The following SUN1 variants were observed in gnomAD, a reference collection of about 807,000 sequenced individuals.
SUN1 encodes the protein Sad1 and UNC84 domain containing 1.
SUN1 carries 61 observed loss-of-function variants against 103.2 expected under a neutral mutation model. The ratio of observed to expected loss-of-function variants is 0.59; its 90% confidence interval spans 0.48 to 0.73. The LOEUF (loss-of-function observed/expected upper bound fraction) is 0.73. SUN1 is among the 30% of genes least tolerant of loss of function. The pLI, the probability that SUN1 is intolerant of heterozygous loss-of-function variation, is 0.00. For missense variants in SUN1, 1,052 were observed against 1,034.6 expected, an observed-to-expected ratio of 1.02 and a Z score of -0.23; for synonymous variants, 490 against 425.7, an observed-to-expected ratio of 1.15 and a Z score of -1.86.
chr7:851,004 A>G (rs1821561596), intron 5 of SUN1, among the ~76,000 whole-genome samples: 1 of 152,172 alleles, frequency 6.6e-6, no homozygotes, highest in Non-Finnish European at 1.5e-5. Flanking sequence ...TGTCTATGGA[A>G]TTTCAATCTG....
chr7:832,357 G>A, upstream of SUN1: 1 of 723,214 alleles, frequency 1.4e-6, no homozygotes, highest in Non-Finnish European at 2.4e-6. Flanking sequence ...CGTCTGTTTA[G>A]AAAACACTGC....
Position 874,871 on chromosome 7 carries a change from GT to G in SUN1, c.*1543del, listed in dbSNP as rs1448240243. The G allele has an allele frequency of 6.6e-6, 1 of 152,208 alleles. No individual in the cohort carries two copies. Among genetic ancestry groups the G allele is most frequent in the East Asian group, 1.9e-4 (1 of 5,206 alleles). The allele number at this position is 152,208 out of a possible 1,614,324, so 9.4% of individuals were successfully genotyped here. ...CAAATTGATAAGATGCTATTAAGAG[GT>G]TTAAATAAAGAGTTTTAATTTTTAA... On this transcript the variant is annotated 3_prime_UTR_variant, in exon 19 of 19. Transcript: ENST00000401592.
intron 1 of SUN1, among the ~76,000 whole-genome samples, chr7:826,547 G>A (rs372262239): frequency 2.6e-5 from 4 of 152,198 alleles, no homozygotes; most frequent in Non-Finnish European, 4.4e-5. Flanking sequence ...GGCAGATGGC[G>A]CTCTGGGAGG....
At chr7:816,162 G>C, upstream of SUN1, 1 of 304,880 alleles carries the variant, frequency 3.3e-6, no homozygotes, top group Non-Finnish European at 6.1e-6. Flanking sequence ...CGTATCTGAG[G>C]GGCAGAGCCC....
intron 9 of SUN1, 178 bp from the exon 10 acceptor site, chr7:853,231 C>A: frequency 1.3e-6 from 1 of 772,774 alleles, no homozygotes. Flanking sequence ...ATGAGAAGCA[C>A]CCATAGTCAG....
At chr7:866,187 A>T in intron 16 of SUN1, 120 bp downstream of exon 16, 1 of 837,508 alleles carries the variant, frequency 1.2e-6, no homozygotes, top group Non-Finnish European at 1.9e-6. Context: ...TGGAACTGGT[A>T]CCACAAGAAG....
chr7:841,384 C>T (rs916572885), intron 2 of SUN1, among the ~76,000 whole-genome samples: 3 of 151,766 alleles, frequency 2.0e-5, no homozygotes, highest in Non-Finnish European at 2.9e-5. Context: ...GCTGAAACTA[C>T]AGGCGCCCGC....
At chr7:854,851 T>C (rs1031561049) in intron 10 of SUN1, 69 bp from the exon 11 acceptor site, 6 of 1,170,058 alleles carry the variant, frequency 5.1e-6, no homozygotes, top group Non-Finnish European at 7.6e-6. Flanking sequence ...AGAAACGCCT[T>C]GGCCTGATTT....
chr7:855,009 A>AT lies in SUN1; in HGVS notation c.1350+6dup. Reference sequence around the variant, plus strand: ...GAAAACTGAGAGAAAAATCTGAGGTATTTATTTTTGACCTTACGCTTTTTT... The same window carrying AT: ...GAAAACTGAGAGAAAAATCTGAGGTATTTTATTTTTGACCTTACGCTTTTTT... On this transcript the variant is annotated splice_donor_region_variant and intron_variant, in intron 11 of 18. Coordinates refer to ENST00000401592, the MANE Select transcript of SUN1 (RefSeq NM_001130965.3). 1 of 1,608,872 alleles carries AT rather than the reference A, an allele frequency of 6.2e-7. No homozygotes were observed. Among genetic ancestry groups the AT allele is most frequent in the Non-Finnish European group, 8.5e-7 (1 of 1,176,196 alleles).
At chr7:824,663 T>C (rs1462566684) in intron 1 of SUN1, among the ~76,000 whole-genome samples, 1 of 152,226 alleles carries the variant, frequency 6.6e-6, no homozygotes, top group Non-Finnish European at 1.5e-5. Context: ...ATCGGTCTTC[T>C]GGTAGAAGTC....
intron 12 of SUN1, 34 bp from the exon 13 acceptor site, chr7:857,794 T>C (rs1364907283): frequency 6.5e-7 from 1 of 1,538,242 alleles, no homozygotes; most frequent in Non-Finnish European, 8.8e-7. Context: ...GCTGGGAGGC[T>C]TGTGTGTGAC....
intron 5 of SUN1, chr7:848,394 C>T (rs749915872): frequency 1.8e-5 from 24 of 1,343,548 alleles, no homozygotes; most frequent in Middle Eastern, 4.2e-4. Context: ...GAAGAAATAA[C>T]GCATGTTCAT....
chr7:832,538 G>C lies in SUN1; in HGVS notation c.14G>C (p.Arg5Pro), dbSNP rs370947011. The change falls in exon 1 of 19, where the codon CGG becomes CCG. Residue 5 changes from arginine to proline, a missense_variant. Physicochemically the swap from Arg to Pro is moderately radical, Grantham distance 103. Transcript: ENST00000401592. The part of the protein sequence containing the change: MDFS[R>P]LHMYSPPQCV... ...GAAGTGGTGAACATGGATTTTTCTC[G>C]GCTTCACATGTACAGTCCTCCCCAG... 6.2e-7 allele frequency: 1 copy of C among 1,613,282 alleles called. No individual in the cohort carries two copies. Among genetic ancestry groups the C allele is most frequent in the South Asian group, 1.1e-5 (1 of 90,878 alleles).
At chr7:865,711 C>T (rs934165704) in intron 15 of SUN1, among the ~76,000 whole-genome samples, 6 of 152,186 alleles carry the variant, frequency 3.9e-5, no homozygotes, top group Non-Finnish European at 7.3e-5. Context: ...ACCAACAGTG[C>T]GTGAGGGTTC....
At chr7:859,284 A>G (rs1001274350) in intron 13 of SUN1, among the ~76,000 whole-genome samples, 3 of 152,022 alleles carry the variant, frequency 2.0e-5, no homozygotes, top group Non-Finnish European at 4.4e-5. Flanking sequence ...GATGGCTGCT[A>G]TCAGCGCTGG....
At chr7:835,057 C>T (rs1284477956) in intron 1 of SUN1, among the ~76,000 whole-genome samples, 3 of 152,196 alleles carry the variant, frequency 2.0e-5, no homozygotes, top group East Asian at 3.8e-4. Context: ...GCCTGGGAGA[C>T]GGTGTGAGGC....
chr7:836,772 G>A (rs929878045), intron 1 of SUN1, among the ~76,000 whole-genome samples: 4 of 152,206 alleles, frequency 2.6e-5, no homozygotes, highest in Non-Finnish European at 4.4e-5. Flanking sequence ...ATATCTGAGC[G>A]CCCAAGGCCC....
intron 12 of SUN1, 28 bp downstream of exon 12, chr7:856,429 T>C: frequency 1.2e-6 from 2 of 1,613,414 alleles, no homozygotes; most frequent in Non-Finnish European, 1.7e-6. Flanking sequence ...ACATTCACTT[T>C]TGTCTTCGGT....
chr7:830,608 A>T (rs1196356130), upstream of SUN1, among the ~76,000 whole-genome samples: 3 of 152,234 alleles, frequency 2.0e-5, no homozygotes, highest in Non-Finnish European at 4.4e-5. Flanking sequence ...CACCTGCTGA[A>T]CCTGGAGTGT....
Sources: gnomAD v4.1 joint callset for allele counts (sites outside exome capture counted in the v4.1 genomes callset) on GRCh38, gnomAD v4.1.1 for gene constraint, MANE v1.5 for transcripts, NCBI Gene and HGNC (gene_info 2026-07-23, HGNC 2026-07-21) for gene names.